AIFM3: variants seen among roughly 807,000 people sequenced by gnomAD.
AIFM3 encodes the protein apoptosis-inducing factor 3.
In AIFM3, 71 loss-of-function variants were observed where a neutral mutation model predicts 82.7. The observed-to-expected ratio is 0.86, with a 90% CI of 0.71 to 1.05. The LOEUF (loss-of-function observed/expected upper bound fraction) is 1.05, where lower values mean the gene tolerates loss of function less well. AIFM3 is among the 50% of genes least tolerant of loss of function. The pLI is 0.00. For missense variants in AIFM3, 748 were observed against 816.7 expected (o/e 0.92, Z 1.03); for synonymous variants, 337 against 329.1 (o/e 1.02, Z -0.26).
At chr22:20,968,275 T>C (rs1309910536) in intron 2 of AIFM3, among the ~76,000 whole-genome samples, 1 of 152,028 alleles carries the variant, frequency 6.6e-6, no homozygotes, top group Non-Finnish European at 1.5e-5. Context: ...TGTTGCAGGG[T>C]TGGGGAAGGG....
chr22:20,974,337 G>A (rs531417896), intron 6 of AIFM3, 41 bp downstream of exon 6: 16 of 1,606,452 alleles, frequency 1.0e-5, no homozygotes, highest in East Asian at 4.5e-5. Flanking sequence ...GGGAGGAGCC[G>A]GGAGGGCATC....
At position 20,977,029 on chromosome 22, in the gene AIFM3, C is replaced by A. The variant is rs571336795; in HGVS notation, c.1219-3C>A. The A allele has an allele frequency of 1.9e-5, 30 of 1,614,216 alleles. No homozygotes were observed. The South Asian group carries it at 3.0e-4, about 16-fold the overall frequency. ...CACCTGTTTATCCACCCACTCCCCA[C>A]AGCTGAAGGAGGTTGTGCTGAAGAG... On this transcript the variant is annotated splice_region_variant and splice_polypyrimidine_tract_variant and intron_variant, in intron 13 of 20. Transcript: ENST00000440238.
chr22:20,975,926 A>G, intron 9 of AIFM3, 148 bp downstream of exon 9: 1 of 905,312 alleles, frequency 1.1e-6, no homozygotes. Context: ...GGGAGACAGC[A>G]AGGAGCTTTT....
chr22:20,973,552 CA>C (rs1923416811), intron 3 of AIFM3, 32 bp downstream of exon 3: 25 of 1,588,316 alleles, frequency 1.6e-5, no homozygotes, highest in Non-Finnish European at 2.1e-5. Context: ...GAGCGGGGAT[CA>C]GGGGTCCCAA....
chr22:20,979,616 C>G lies in AIFM3; in HGVS notation c.1577-11C>G. On this transcript the variant is annotated splice_polypyrimidine_tract_variant and intron_variant, in intron 17 of 20. Coordinates refer to ENST00000440238, the MANE Select transcript of AIFM3 (RefSeq NM_001386814.1). ...GCTCACGTGGGTGCCACCCACCTGC[C>G]CGGCCCACAGGCTACGGAGAAGGCT... is the stretch of plus-strand genomic sequence containing the variant. 6.2e-7 allele frequency: 1 copy of G among 1,614,118 alleles called. No individual in the cohort carries two copies. Among genetic ancestry groups the G allele is most frequent in the Admixed American group, 1.7e-5 (1 of 60,026 alleles).
Position 20,975,792 on chromosome 22 carries a change from GGTGGGA to G in AIFM3, c.807+15_807+20del. 2 of 1,610,616 alleles carry G rather than the reference GGTGGGA, an allele frequency of 1.2e-6. No homozygotes were observed. The highest frequency in any genetic ancestry group is 1.7e-6 in the Non-Finnish European group (2 of 1,179,896). Reference sequence around the variant, plus strand: ...ACCGAGGCTCAGGTACAGGGTCAAGGGTGGGAAACAGGCCCGAGGAGGGAAGGTGGG... The same window carrying G: ...ACCGAGGCTCAGGTACAGGGTCAAGGAACAGGCCCGAGGAGGGAAGGTGGG... On this transcript the variant is annotated intron_variant, in intron 9 of 20. Transcript: ENST00000440238.
At chr22:20,980,437 G>A in intron 19 of AIFM3, 1 of 597,202 alleles carries the variant, frequency 1.7e-6, no homozygotes, top group Non-Finnish European at 3.0e-6. Flanking sequence ...ACATAGTTGT[G>A]CTGAGCCTGG....
intron 3 of AIFM3, 70 bp downstream of exon 3, chr22:20,973,590 G>C: frequency 6.7e-7 from 1 of 1,499,112 alleles, no homozygotes; most frequent in Non-Finnish European, 9.0e-7. Context: ...GGCCATAGCC[G>C]GGGGTCGGGG....
chr22:20,976,378 G>C (rs1304303145), intron 10 of AIFM3, 30 bp from the exon 11 acceptor site: 1 of 1,613,612 alleles, frequency 6.2e-7, no homozygotes, highest in East Asian at 2.2e-5. Context: ...GGGCTGCCAG[G>C]AGGCCCTCAC....
Position 20,974,699 on chromosome 22 carries a change from C to A in AIFM3, c.608-5C>A, listed in dbSNP as rs1382026030. 7.4e-6 allele frequency: 12 copies of A among 1,613,930 alleles called. No homozygotes were observed. Among genetic ancestry groups the A allele is most frequent in the Admixed American group, 5.0e-5 (3 of 60,000 alleles). The stretch of plus-strand genomic sequence containing the variant: ...GGTTCCTGGCCCACGGGCCCCTCCC[C>A]TCAGGTGCAGCTGGCCTGGTGTGTG... On this transcript the variant is annotated splice_region_variant and splice_polypyrimidine_tract_variant and intron_variant, in intron 7 of 20. Coordinates refer to ENST00000440238, the MANE Select transcript of AIFM3 (RefSeq NM_001386814.1).
At position 20,977,749 on chromosome 22, in the gene AIFM3, T is replaced by A. The variant is rs753294999; in HGVS notation, c.1332T>A (p.Asp444Glu). 6 of 1,614,060 alleles carry A rather than the reference T, an allele frequency of 3.7e-6. No individual in the cohort carries two copies. In the South Asian group the frequency reaches 6.6e-5, roughly 18 times the overall value. Reference sequence around the variant, plus strand: ...TGAGGCAAAGCGGCATCGGTTTGGATTCCCGAGGCTTCATCCCTGTCAACA... The same window carrying A: ...TGAGGCAAAGCGGCATCGGTTTGGAATCCCGAGGCTTCATCCCTGTCAACA... ...GFLRQSGIGL[D>E]SRGFIPVNKM... Residue 444 changes from aspartate (D) to glutamate (E), a missense_variant, in exon 15 of 21, where the codon GAT (aspartate) becomes GAA (glutamate). Transcript: ENST00000440238.
intron 11 of AIFM3, 52 bp from the exon 12 acceptor site, chr22:20,976,599 T>C (rs1923685803): frequency 3.7e-6 from 6 of 1,613,068 alleles, no homozygotes; most frequent in Non-Finnish European, 5.1e-6. Flanking sequence ...CCAGGGAAGT[T>C]CTGGTCGAGG....
At chr22:20,976,140 A>G in intron 9 of AIFM3, 75 bp from the exon 10 acceptor site, 1 of 1,499,576 alleles carries the variant, frequency 6.7e-7, no homozygotes, top group South Asian at 1.2e-5. Flanking sequence ...CTGTGGGTGT[A>G]CTGCAGGACC....
Position 20,978,154 on chromosome 22 carries a change from G to T in AIFM3, c.1477+149G>T. The stretch of plus-strand genomic sequence containing the variant: ...TGGATTCTCTGGCCAGCCTCATCTC[G>T]GCGATCCAGCCAACACAGAGAGCGA... On this transcript the variant is annotated intron_variant, in intron 16 of 20. Coordinates refer to ENST00000440238, the MANE Select transcript of AIFM3 (RefSeq NM_001386814.1). 23 of 746,980 alleles carry T rather than the reference G, an allele frequency of 3.1e-5. 1 individual carries two copies. In the South Asian group the frequency reaches 3.9e-4, roughly 13 times the overall value. The allele number at this position is 746,980 out of a possible 1,614,324, so 46.3% of individuals were successfully genotyped here.
chr22:20,973,977 G>A, intron 4 of AIFM3, 86 bp from the exon 5 acceptor site: 1 of 1,499,220 alleles, frequency 6.7e-7, no homozygotes, highest in Non-Finnish European at 9.0e-7. Context: ...CTGGGCTGTG[G>A]GGAGGGGCCC....
intron 9 of AIFM3, 133 bp from the exon 10 acceptor site, chr22:20,976,082 G>A (rs896501417): frequency 2.4e-5 from 24 of 992,772 alleles, no homozygotes; most frequent in East Asian, 5.2e-5. Context: ...ATGAAGCCCA[G>A]GTGGCAGGAT....
chr22:20,971,966 T>TGGG (rs11090488), intron 2 of AIFM3, among the ~76,000 whole-genome samples: 28 of 139,048 alleles, frequency 2.0e-4, no homozygotes, highest in South Asian at 4.6e-4. Flanking sequence ...ATGGAGGCTG[T>TGGG]GGGGGGGGGG....
At chr22:20,972,402 C>CAA (rs58947717) in intron 2 of AIFM3, among the ~76,000 whole-genome samples, 10 of 125,726 alleles carry the variant, frequency 8.0e-5, no homozygotes, top group African/African-American at 1.2e-4. Context: ...AACTCCATCT[C>CAA]AAAAAAAAAA....
chr22:20,973,316 A>G lies in AIFM3; in HGVS notation c.41A>G (p.Lys14Arg). 2 of 1,587,106 alleles carry G rather than the reference A, an allele frequency of 1.3e-6. No individual in the cohort carries two copies. Among genetic ancestry groups the G allele is most frequent in the African/African-American group, 1.3e-5 (1 of 74,460 alleles). ...GCTGCCTTGCCCACAGTGGAGCTCA[A>G]GATCGAGGTGGTGCTGCCTGAGAAG... ...CFSKPKPVELKIEVVLPEKER... is the reference protein window; with the variant it reads ...CFSKPKPVELRIEVVLPEKER... Residue 14 changes from lysine to arginine, a missense_variant, in exon 3 of 21, where the codon AAG becomes AGG. By Grantham distance (26) the Lys-to-Arg change is conservative. Around this residue, in one of 5 missense-constraint regions of AIFM3, gnomAD observed 17 missense variants for 19.0 expected, o/e 0.89. Coordinates refer to ENST00000440238, the MANE Select transcript of AIFM3 (RefSeq NM_001386814.1).
Sources: gnomAD v4.1 joint callset for allele counts (sites outside exome capture counted in the v4.1 genomes callset) on GRCh38, gnomAD v4.1.1 for gene constraint, gnomAD v4.1.1 regional missense constraint, MANE v1.5 for transcripts, NCBI Gene and HGNC (gene_info 2026-07-23, HGNC 2026-07-21) for gene names.